ZFP1: variants seen among roughly 807,000 people sequenced by gnomAD.
ZFP1 encodes the protein ZFP1 zinc finger protein, also known as zinc finger protein 1 homolog.
Under a neutral mutation model 38.5 loss-of-function variants are expected in ZFP1, and 32 were observed. The observed-to-expected ratio is 0.83, with a 90% CI of 0.63 to 1.12. ZFP1 has a LOEUF of 1.12. Among genes scored for constraint, ZFP1 ranks in the 50% most tolerant of loss-of-function variants. ZFP1 has a pLI of 0.00. For missense variants in ZFP1, 616 were observed against 480.8 expected, an observed-to-expected ratio of 1.28 and a Z score of -2.63; for synonymous variants, 245 against 168.8, an observed-to-expected ratio of 1.45 and a Z score of -3.50.
chr16:75,153,958 C>G (rs550446641), intron 2 of ZFP1, among the ~76,000 whole-genome samples: 1 of 152,178 alleles, frequency 6.6e-6, no homozygotes, highest in African/African-American at 2.4e-5. Flanking sequence ...CAGTAGGTAG[C>G]CTTTTTAGAT....
chr16:75,160,562 G>C (rs1340555121), intron 2 of ZFP1, among the ~76,000 whole-genome samples: 1 of 151,146 alleles, frequency 6.6e-6, no homozygotes, highest in African/African-American at 2.4e-5. Flanking sequence ...AGGTGGCTGA[G>C]GCACAAGAAT....
In ZFP1 at chr16:75,170,148, T is replaced by C. The variant is rs765650883; in HGVS notation, c.1038T>C (p.His346=). The C allele has an allele frequency of 6.2e-6, 10 of 1,614,160 alleles. No individual in the cohort carries two copies. Among genetic ancestry groups the C allele is most frequent in the South Asian group, 2.2e-5 (2 of 91,072 alleles). The change falls in exon 4 of 4, where the codon CAT becomes CAC. Residue 346 remains histidine (H), a synonymous_variant. Transcript: ENST00000570010. ...AGCTCATCATACACATGAGAACTCA[T>C]ACAGGAGAGAAACCCTATGAATGTA... The part of the protein sequence containing the change: ...NSQLIIHMRT[H]TGEKPYECTE...
the ZFP1 span, among the ~76,000 whole-genome samples, chr16:75,139,621 G>C: frequency 6.6e-6 from 1 of 152,142 alleles, no homozygotes; most frequent in African/African-American, 2.4e-5. Context: ...GAGGCCAGGA[G>C]GTGGAGGCTG....
At position 75,166,912 on chromosome 16, in the gene ZFP1, A is replaced by G. The variant is rs776095270; in HGVS notation, c.142+16A>G. The G allele has an allele frequency of 6.2e-7, 1 of 1,611,534 alleles. No homozygotes were observed. Among genetic ancestry groups the G allele is most frequent in the South Asian group, 1.1e-5 (1 of 90,798 alleles). ...CTTTCAGTGGGTAAGGACGGTTTTC[A>G]GGTACAGCTCACCATGTGCCTAGAG... On this transcript the variant is annotated intron_variant, in intron 3 of 3. Transcript: ENST00000570010.
At chr16:75,121,347 G>A in the ZFP1 span, among the ~76,000 whole-genome samples, 12 of 151,976 alleles carry the variant, frequency 7.9e-5, no homozygotes, top group African/African-American at 1.4e-4. Flanking sequence ...GGATGGTTTC[G>A]ATCTCCTGAC....
chr16:75,121,149 C>T, the ZFP1 span, among the ~76,000 whole-genome samples: 2 of 151,720 alleles, frequency 1.3e-5, no homozygotes, highest in African/African-American at 4.8e-5. Flanking sequence ...TTATACAATC[C>T]TATGATAAAT....
rs760667384 is a variant in ZFP1, at chr16:75,152,937, C to G, written c.-15C>G. On this transcript the variant is annotated 5_prime_UTR_variant, in exon 2 of 4. Transcript: ENST00000570010. Reference sequence around the variant, plus strand: ...TGCCTTCATAGTTCTCTGCCTTTGCCCAAAACTGCAGAAAATGAACAAATC... The same window carrying G: ...TGCCTTCATAGTTCTCTGCCTTTGCGCAAAACTGCAGAAAATGAACAAATC... 6.2e-7 allele frequency: 1 copy of G among 1,613,498 alleles called. No individual in the cohort carries two copies. The highest frequency in any genetic ancestry group is 8.5e-7 in the Non-Finnish European group (1 of 1,179,752).
chr16:75,162,433 C>T (rs1437688364), intron 2 of ZFP1, among the ~76,000 whole-genome samples: 1 of 152,088 alleles, frequency 6.6e-6, no homozygotes, highest in Non-Finnish European at 1.5e-5. Flanking sequence ...AAGTATAGGT[C>T]AACTTAATTA....
At chr16:75,152,865 G>A (rs561136020) in intron 1 of ZFP1, 44 bp from the exon 2 acceptor site, 1 of 1,580,114 alleles carries the variant, frequency 6.3e-7, no homozygotes, top group East Asian at 2.2e-5. Context: ...TGTAAGGCAG[G>A]TCAGACCTTT....
rs71392695 is a variant in ZFP1 at position 75,150,358 on chromosome 16, G to C, written c.-44+1715G>C. ...AGAGTAGCTGGGACTACAGGCGCCC[G>C]CCACTACACCTGGCTAATTTTTTTA... On this transcript the variant is annotated intron_variant, in intron 1 of 3. Transcript: ENST00000570010. Among the ~76,000 whole-genome samples, 804 of 148,590 alleles carry C rather than the reference G, an allele frequency of 5.4e-3. 12 individuals are homozygous for C. Among genetic ancestry groups the C allele is most frequent in the Middle Eastern group, 0.037 (11 of 294 alleles).
Position 75,169,545 on chromosome 16 carries a change from G to T in ZFP1, c.435G>T (p.Lys145Asn), listed in dbSNP as rs997371120. ...NEFGKALLYL[K>N]QEKTHSGVEY... ...TTGGAAAAGCACTTCTCTACCTGAAGCAAGAGAAAACCCACAGTGGAGTAG... is the reference window on the plus strand; with the variant it reads ...TTGGAAAAGCACTTCTCTACCTGAATCAAGAGAAAACCCACAGTGGAGTAG... The change falls in exon 4 of 4, where the codon AAG (lysine) becomes AAT (asparagine). Residue 145 changes from lysine (K) to asparagine (N), a missense_variant. Physicochemically the swap from Lys to Asn is moderately conservative, Grantham distance 94. Transcript: ENST00000570010. The T allele has an allele frequency of 6.2e-7, 1 of 1,612,384 alleles. No homozygotes were observed. Among genetic ancestry groups the T allele is most frequent in the Non-Finnish European group, 8.5e-7 (1 of 1,179,706 alleles).
chr16:75,156,150 C>G (rs1056975012), intron 2 of ZFP1, among the ~76,000 whole-genome samples: 3 of 152,112 alleles, frequency 2.0e-5, no homozygotes, highest in Admixed American at 6.6e-5. Flanking sequence ...GCAGCTGTGT[C>G]TAGAAATTTG....
At chr16:75,134,276 A>G in the ZFP1 span, among the ~76,000 whole-genome samples, 4 of 152,180 alleles carry the variant, frequency 2.6e-5, no homozygotes, top group African/African-American at 4.8e-5. Flanking sequence ...TCTCAAAAAA[A>G]TTTTTTTAAT....
At chr16:75,144,817 CTTCT>C (rs2036925924), upstream of ZFP1, among the ~76,000 whole-genome samples, 1 of 152,026 alleles carries the variant, frequency 6.6e-6, no homozygotes, top group South Asian at 2.1e-4. Flanking sequence ...TTGTGTCTGC[CTTCT>C]TTCTTTTTTT....
chr16:75,144,829 T>C (rs2036926180), upstream of ZFP1, among the ~76,000 whole-genome samples: 1 of 152,206 alleles, frequency 6.6e-6, no homozygotes, highest in African/African-American at 2.4e-5. Flanking sequence ...TCTTTCTTTT[T>C]TTCTTTTCTT....
At chr16:75,143,647 CT>C (rs386385080), upstream of ZFP1, among the ~76,000 whole-genome samples, 262 of 93,744 alleles carry the variant, frequency 2.8e-3, no homozygotes, top group African/African-American at 9.3e-3. Context: ...GGAGGTGAAT[CT>C]TTTTTTTTTT....
chr16:75,163,979 A>G (rs1427448434), intron 2 of ZFP1, among the ~76,000 whole-genome samples: 1 of 152,212 alleles, frequency 6.6e-6, no homozygotes, highest in African/African-American at 2.4e-5. Context: ...TCATAGAGAT[A>G]ACCAGTATGT....
chr16:75,162,714 C>T (rs769678075), intron 2 of ZFP1, among the ~76,000 whole-genome samples: 1 of 152,048 alleles, frequency 6.6e-6, no homozygotes, highest in Admixed American at 6.6e-5. Context: ...TCTTTATGTT[C>T]GTGAGTACCC....
chr16:75,147,316 C>G (rs553510136), upstream of ZFP1, among the ~76,000 whole-genome samples: 1 of 152,276 alleles, frequency 6.6e-6, no homozygotes, highest in Admixed American at 6.5e-5. Flanking sequence ...GAGACAGGGT[C>G]ACCCAAGCTG....
Sources: gnomAD v4.1 joint callset for allele counts (sites outside exome capture counted in the v4.1 genomes callset) on GRCh38, gnomAD v4.1.1 for gene constraint, MANE v1.5 for transcripts, NCBI Gene and HGNC (gene_info 2026-07-23, HGNC 2026-07-21) for gene names.